PTPA: variants seen among roughly 807,000 people sequenced by gnomAD.
PTPA encodes serine/threonine-protein phosphatase 2A activator.
In PTPA, 13 loss-of-function variants were observed where a neutral mutation model predicts 43.6. That is an observed-to-expected ratio of 0.30 (90% CI 0.19 to 0.47). The LOEUF (loss-of-function observed/expected upper bound fraction) is 0.47. Among genes scored for constraint, PTPA ranks in the 20% least tolerant of loss-of-function variants. The pLI, the probability that PTPA is intolerant of heterozygous loss-of-function variation, is 0.99. For synonymous variants in PTPA, 172 were observed against 158.2 expected (o/e 1.09, Z -0.66); for missense variants, 329 against 411.9 (o/e 0.80, Z 1.74).
At chr9:129,139,896 C>T (rs763759571) in intron 8 of PTPA, 1 of 152,162 alleles carries the variant, frequency 6.6e-6, no homozygotes, top group Non-Finnish European at 1.5e-5. Flanking sequence ...TGCAGGGCCT[C>T]TACAGCCTCT....
chr9:129,127,662 A>G (rs1218872332), intron 3 of PTPA, among the ~76,000 whole-genome samples: 1 of 152,150 alleles, frequency 6.6e-6, no homozygotes, highest in African/African-American at 2.4e-5. Flanking sequence ...TTATGTGCCA[A>G]TGCTGCCCGC....
intron 1 of PTPA, among the ~76,000 whole-genome samples, chr9:129,112,312 T>TA (rs554186264): frequency 3.9e-5 from 6 of 152,230 alleles, no homozygotes; most frequent in Non-Finnish European, 5.9e-5. Context: ...GGAAGGATCT[T>TA]AGAGACCCTT....
At position 129,137,603 on chromosome 9, in the gene PTPA, C is replaced by T. The variant is rs1850459574; in HGVS notation, c.697C>T (p.Leu233=). 2 of 1,611,952 alleles carry T rather than the reference C, an allele frequency of 1.2e-6. No individual in the cohort carries two copies. Among genetic ancestry groups the T allele is most frequent in the Non-Finnish European group, 1.7e-6 (2 of 1,179,000 alleles). ...GSSQLIDHPY[L]EPRHFVDEKA... ...ATTCCTTTTCCCAGACCACCCATACCTGGAGCCCAGACACTTTGTGGATGA... is the reference window on the plus strand; with the variant it reads ...ATTCCTTTTCCCAGACCACCCATACTTGGAGCCCAGACACTTTGTGGATGA... Residue 233 remains leucine (L), a synonymous_variant, in exon 8 of 10, where the codon CTG becomes TTG. Transcript: ENST00000393370.
chr9:129,147,498 G>T lies in PTPA; in HGVS notation c.*34G>T, dbSNP rs1282318986. On this transcript the variant is annotated 3_prime_UTR_variant, in exon 10 of 10. Coordinates refer to ENST00000393370, the MANE Select transcript of PTPA (RefSeq NM_178000.3). ...AAGCCGAAGAGCCACCCAGGCCACA[G>T]TTCCTGTGCCTGCCTTCCCCACCCC... 5 of 1,600,592 alleles carry T rather than the reference G, an allele frequency of 3.1e-6. No homozygotes were observed. The highest frequency in any genetic ancestry group is 3.4e-6 in the Non-Finnish European group (4 of 1,169,628).
chr9:129,137,728 C>T (rs1564197897), intron 8 of PTPA, 36 bp downstream of exon 8: 1 of 1,517,340 alleles, frequency 6.6e-7, no homozygotes, highest in African/African-American at 1.4e-5. Context: ...CCCATGGCTG[C>T]CTCCAGGCTC....
At chr9:129,122,922 G>T (rs1849342671) in intron 2 of PTPA, 130 bp from the exon 3 acceptor site, 2 of 675,094 alleles carry the variant, frequency 3.0e-6, no homozygotes, top group Non-Finnish European at 5.2e-6. Context: ...TCCTGCTATT[G>T]GGTTGGGAGT....
intron 9 of PTPA, among the ~76,000 whole-genome samples, chr9:129,145,117 G>A (rs1056898953): frequency 2.0e-5 from 3 of 152,170 alleles, no homozygotes; most frequent in African/African-American, 7.2e-5. Flanking sequence ...GATCACCTGA[G>A]GTCAGGAGTT....
At position 129,134,842 on chromosome 9, in the gene PTPA, G is replaced by A. The variant is rs1211731547; in HGVS notation, c.508G>A (p.Gly170Arg). ...TTTCCTCTGCTGTCTCTGCAAGATTGGGGTGCTCCGGGTGGATGACCAAAT... is the reference window on the plus strand; with the variant it reads ...TTTCCTCTGCTGTCTCTGCAAGATTAGGGTGCTCCGGGTGGATGACCAAAT... ...AAFLCCLCKI[G>R]VLRVDDQIAI... The change falls in exon 6 of 10, where the codon GGG becomes AGG. Residue 170 changes from glycine (G) to arginine (R), a missense_variant. Transcript: ENST00000393370. 5 of 1,613,978 alleles carry A rather than the reference G, an allele frequency of 3.1e-6. No homozygotes were observed. The Admixed American group carries it at 8.3e-5, about 27-fold the overall frequency.
chr9:129,143,914 C>T (rs889248574), intron 9 of PTPA, among the ~76,000 whole-genome samples: 18 of 151,964 alleles, frequency 1.2e-4, no homozygotes, highest in Admixed American at 1.0e-3. Flanking sequence ...TGCTGTGCCC[C>T]GCCTCCAGGG....
chr9:129,136,189 G>C (rs1205798234), intron 6 of PTPA, among the ~76,000 whole-genome samples: 1 of 152,112 alleles, frequency 6.6e-6, no homozygotes. Flanking sequence ...GGATGGTCTC[G>C]ATCTCCTGAC....
At chr9:129,147,217 G>A (rs1304894149) in intron 9 of PTPA, among the ~76,000 whole-genome samples, 170 bp from the exon 10 acceptor site, 2 of 152,216 alleles carry the variant, frequency 1.3e-5, no homozygotes, top group African/African-American at 2.4e-5. Context: ...TGGAGTGGGT[G>A]TCTTTGGATA....
Position 129,136,477 on chromosome 9 carries a change from T to C in PTPA, c.567T>C (p.Leu189=). 1 of 1,613,178 alleles carries C rather than the reference T, an allele frequency of 6.2e-7. No individual in the cohort carries two copies. Among genetic ancestry groups the C allele is most frequent in the Non-Finnish European group, 8.5e-7 (1 of 1,179,434 alleles). The change falls in exon 7 of 10, where the codon CTT becomes CTC. Residue 189 remains leucine, a synonymous_variant. Coordinates refer to ENST00000393370, the MANE Select transcript of PTPA (RefSeq NM_178000.3). The stretch of plus-strand genomic sequence containing the variant: ...TCCCTGTCCTCCTGTGCAGGTACCT[T>C]GAGGTTATGCGGAAACTCCAGAAAA... ...AIVFKVFNRY[L]EVMRKLQKTY...
chr9:129,131,711 T>A, intron 5 of PTPA, 72 bp downstream of exon 5: 1 of 1,418,474 alleles, frequency 7.0e-7, no homozygotes, highest in East Asian at 2.3e-5. Context: ...AGGTGGTCTC[T>A]GGGCCCTCTG....
Position 129,131,640 on chromosome 9 carries a change from G to A in PTPA, c.460+1G>A. On this transcript the variant is annotated splice_donor_variant, in intron 5 of 9. Coordinates refer to ENST00000393370, the MANE Select transcript of PTPA (RefSeq NM_178000.3). LOFTEE classifies it high-confidence loss of function. ...TCCACGCGCATTGACTACGGCACAG[G>A]TATCTGCTGCTTGTGGGGCTCTGTA... 1 of 1,613,306 alleles carries A rather than the reference G, an allele frequency of 6.2e-7. No homozygotes were observed. Among genetic ancestry groups the A allele is most frequent in the Non-Finnish European group, 8.5e-7 (1 of 1,179,258 alleles).
intron 9 of PTPA, among the ~76,000 whole-genome samples, chr9:129,147,008 C>T (rs1484965562): frequency 3.9e-5 from 6 of 152,188 alleles, no homozygotes; most frequent in East Asian, 1.9e-4. Context: ...CTTAGGCTTA[C>T]GTTCAAATGT....
In PTPA at chr9:129,142,527, G is replaced by A; in HGVS notation, c.869G>A (p.Gly290Asp). The change falls in exon 9 of 10, where the codon GGT (glycine) becomes GAT (aspartate). Residue 290 changes from glycine to aspartate, a missense_variant. Gly to Asp is a moderately conservative substitution (Grantham distance 94). Coordinates refer to ENST00000393370, the MANE Select transcript of PTPA (RefSeq NM_178000.3). ...AVPSWSKVNQ[G>D]LIRMYKAECL... Reference sequence around the variant, plus strand: ...CCTTCCTGGTCCAAAGTGAACCAGGGTCTCATCCGCATGTATAAGGCCGAG... The same window carrying A: ...CCTTCCTGGTCCAAAGTGAACCAGGATCTCATCCGCATGTATAAGGCCGAG... 1.2e-6 allele frequency: 2 copies of A among 1,614,106 alleles called. No individual in the cohort carries two copies. Among genetic ancestry groups the A allele is most frequent in the South Asian group, 1.1e-5 (1 of 91,082 alleles).
chr9:129,118,675 TA>T (rs1849053417), intron 1 of PTPA, among the ~76,000 whole-genome samples: 1 of 151,868 alleles, frequency 6.6e-6, no homozygotes, highest in South Asian at 2.1e-4. Context: ...GCGCCCCGCC[TA>T]AAATTTTTTT....
chr9:129,134,949 C>T (rs748049076), intron 6 of PTPA, 55 bp downstream of exon 6: 54 of 1,453,360 alleles, frequency 3.7e-5, no homozygotes, highest in Non-Finnish European at 4.9e-5. Flanking sequence ...CATCTGTTTC[C>T]TCCTCAAACT....
intron 3 of PTPA, among the ~76,000 whole-genome samples, chr9:129,127,593 C>T (rs1261361092): frequency 6.6e-6 from 1 of 152,208 alleles, no homozygotes; most frequent in Non-Finnish European, 1.5e-5. Flanking sequence ...GAAGGAGCAC[C>T]TTCTAACTGA....
Sources: allele counts gnomAD v4.1 joint callset (sites outside exome capture counted in the v4.1 genomes callset), GRCh38; gene constraint gnomAD v4.1.1; transcripts MANE v1.5; gene names NCBI Gene and HGNC (gene_info 2026-07-23, HGNC 2026-07-21).